UNC13C: variants seen among roughly 807,000 people sequenced by gnomAD.
The protein encoded by UNC13C is unc-13 homolog C, also known as protein unc-13 homolog C.
UNC13C carries 174 observed loss-of-function variants against 245.4 expected under a neutral mutation model. The observed-to-expected ratio is 0.71, with a 90% CI of 0.63 to 0.80. The LOEUF (loss-of-function observed/expected upper bound fraction) is 0.80. Among genes scored for constraint, UNC13C ranks in the 30% least tolerant of loss-of-function variants. The pLI is 0.00. For missense variants in UNC13C, 2,829 were observed against 2,602.9 expected (o/e 1.09, Z -1.89); for synonymous variants, 992 against 895.1 (o/e 1.11, Z -1.93).
At chr15:54,622,889 T>G (rs182454070) in intron 31 of UNC13C, among the ~76,000 whole-genome samples, 1 of 152,278 alleles carries the variant, frequency 6.6e-6, no homozygotes. Context: ...ATTAGCATTT[T>G]GTTAACAATA....
rs74763830 is a variant in UNC13C, at chr15:54,521,739, T to C, written c.5458-3810T>C. Among the ~76,000 whole-genome samples, 349 of 152,298 alleles carry C rather than the reference T, an allele frequency of 2.3e-3. 3 individuals carry two copies. Among genetic ancestry groups the C allele is most frequent in the African/African-American group, 7.9e-3 (327 of 41,558 alleles). ...GGATTAACTTGATAACTCTGGAATA[T>C]ATGGTTTCTAAGGAATGAAAGATTT... On this transcript the variant is annotated intron_variant, in intron 24 of 32. Coordinates refer to ENST00000260323, the MANE Select transcript of UNC13C (RefSeq NM_001080534.3).
At chr15:54,334,629 T>C (rs1221709541) in intron 16 of UNC13C, among the ~76,000 whole-genome samples, 2 of 152,144 alleles carry the variant, frequency 1.3e-5, no homozygotes, top group African/African-American at 4.8e-5. Flanking sequence ...AACCATACTA[T>C]ATCAAAGTTC....
chr15:53,944,016 G>T, the UNC13C span, among the ~76,000 whole-genome samples: 1 of 151,892 alleles, frequency 6.6e-6, no homozygotes, highest in Non-Finnish European at 1.5e-5. Flanking sequence ...TGTTATATTT[G>T]AAGTTTCTGG....
At chr15:54,038,246 C>A (rs1172522648) in intron 2 of UNC13C, among the ~76,000 whole-genome samples, 1 of 150,398 alleles carries the variant, frequency 6.6e-6, no homozygotes, top group Non-Finnish European at 1.5e-5. Context: ...CCTTAGCCTC[C>A]TGAGTAGCTG....
chr15:53,855,635 A>G, the UNC13C span, among the ~76,000 whole-genome samples: 1 of 152,224 alleles, frequency 6.6e-6, no homozygotes, highest in Admixed American at 6.5e-5. Flanking sequence ...CTTGCACCCT[A>G]GGAATGAATG....
rs1454155150 is a variant in UNC13C, at chr15:54,500,072, G to A, written c.5061-7G>A. ...TTGTGGTATGTAACATTATTAATTT[G>A]TTATAGGTGGTTTGAACCTTTTGTC... On this transcript the variant is annotated splice_region_variant and splice_polypyrimidine_tract_variant and intron_variant, in intron 20 of 32. Transcript: ENST00000260323. The A allele has an allele frequency of 6.3e-7, 1 of 1,596,246 alleles. No individual in the cohort carries two copies. The highest frequency in any genetic ancestry group is 8.5e-7 in the Non-Finnish European group (1 of 1,172,128).
At chr15:54,321,862 C>A in intron 13 of UNC13C, 77 bp from the exon 14 acceptor site, 2 of 1,330,192 alleles carry the variant, frequency 1.5e-6, no homozygotes, top group Non-Finnish European at 2.0e-6. Flanking sequence ...GAATTAATTG[C>A]TGATGTTAGA....
At chr15:54,208,743 T>C (rs959938575) in intron 4 of UNC13C, among the ~76,000 whole-genome samples, 1 of 152,076 alleles carries the variant, frequency 6.6e-6, no homozygotes, top group Non-Finnish European at 1.5e-5. Context: ...TATATAAGTC[T>C]CATTGAAAAG....
intron 19 of UNC13C, among the ~76,000 whole-genome samples, chr15:54,455,254 C>T (rs1428026503): frequency 9.7e-6 from 1 of 103,164 alleles, no homozygotes; most frequent in Non-Finnish European, 2.0e-5. Flanking sequence ...TTAATCCACT[C>T]ATTGGTAGAT....
At chr15:53,883,003 T>C in the UNC13C span, among the ~76,000 whole-genome samples, 1 of 152,010 alleles carries the variant, frequency 6.6e-6, no homozygotes, top group African/African-American at 2.4e-5. Flanking sequence ...ATGACACACA[T>C]TTATTTATGT....
chr15:54,441,975 A>G lies in UNC13C; in HGVS notation c.4933+26908A>G, dbSNP rs150152278. 3.7e-3 allele frequency among the ~76,000 whole-genome samples: 556 copies of G among 151,928 alleles called. 12 individuals are homozygous for G. Among genetic ancestry groups the G allele is most frequent in the East Asian group, 0.029 (151 of 5,152 alleles). On this transcript the variant is annotated intron_variant, in intron 19 of 32. Transcript: ENST00000260323. ...GGATTTTCTTCTTTCTTTTTAAACT[A>G]GTTCATTATTATTGTATAGAAACAC... is the stretch of plus-strand genomic sequence containing the variant.
At chr15:54,459,019 A>G (rs1013230385) in intron 19 of UNC13C, among the ~76,000 whole-genome samples, 1 of 151,918 alleles carries the variant, frequency 6.6e-6, no homozygotes, top group Admixed American at 6.6e-5. Flanking sequence ...AAGAGATTCT[A>G]TTTTGGTGTA....
chr15:54,228,508 C>T (rs757296753), intron 4 of UNC13C, among the ~76,000 whole-genome samples: 28 of 152,028 alleles, frequency 1.8e-4, no homozygotes, highest in Non-Finnish European at 3.1e-4. Flanking sequence ...AGGCCCATGG[C>T]GAGTACTACC....
chr15:54,615,683 G>C (rs1036017364), intron 30 of UNC13C, among the ~76,000 whole-genome samples: 1 of 152,040 alleles, frequency 6.6e-6, no homozygotes, highest in Non-Finnish European at 1.5e-5. Context: ...TCAGGCATTA[G>C]TTGGGGTTGA....
chr15:53,921,225 A>T, the UNC13C span, among the ~76,000 whole-genome samples: 1 of 152,166 alleles, frequency 6.6e-6, no homozygotes, highest in Non-Finnish European at 1.5e-5. Flanking sequence ...GAATTGAATC[A>T]ATGTCTTTAT....
At chr15:54,168,776 G>A (rs759301932) in intron 4 of UNC13C, among the ~76,000 whole-genome samples, 13 of 152,100 alleles carry the variant, frequency 8.5e-5, no homozygotes, top group African/African-American at 2.2e-4. Context: ...AAAAATCAGC[G>A]AAAACTAAAA....
intron 19 of UNC13C, among the ~76,000 whole-genome samples, chr15:54,425,309 G>A (rs968256745): frequency 6.6e-6 from 1 of 151,692 alleles, no homozygotes; most frequent in African/African-American, 2.4e-5. Context: ...TAAGTAAAAG[G>A]ATAAAAACTG....
At chr15:54,171,560 C>T (rs558328473) in intron 4 of UNC13C, among the ~76,000 whole-genome samples, 2 of 152,180 alleles carry the variant, frequency 1.3e-5, no homozygotes, top group South Asian at 2.1e-4. Context: ...GTAATATCAT[C>T]GCACCCCAGT....
chr15:53,968,747 A>T, the UNC13C span, among the ~76,000 whole-genome samples: 280 of 152,320 alleles, frequency 1.8e-3, no homozygotes, highest in African/African-American at 6.4e-3. Flanking sequence ...TTATAGCAAG[A>T]ATCAAAAGCT....
Sources: gnomAD v4.1 joint callset for allele counts (sites outside exome capture counted in the v4.1 genomes callset) on GRCh38, gnomAD v4.1.1 for gene constraint, MANE v1.5 for transcripts, NCBI Gene and HGNC (gene_info 2026-07-23, HGNC 2026-07-21) for gene names.